MFF: variants seen among roughly 807,000 people sequenced by gnomAD.
MFF encodes the protein mitochondrial fission factor, also known as chromosome 2 open reading frame 33.
A neutral mutation model predicts 36.9 loss-of-function variants in MFF; 12 were observed. The ratio of observed to expected loss-of-function variants is 0.33; its 90% CI spans 0.21 to 0.53. MFF has a LOEUF of 0.53. MFF is among the 20% of genes least tolerant of loss of function. MFF has a pLI of 0.95. For synonymous variants in MFF, 99 were observed against 126.2 expected (o/e 0.78, Z 1.44); for missense variants, 348 against 366.6 (o/e 0.95, Z 0.42).
At chr2:227,337,537 A>C (rs973268592) in intron 4 of MFF, among the ~76,000 whole-genome samples, 5 of 152,214 alleles carry the variant, frequency 3.3e-5, no homozygotes, top group Non-Finnish European at 5.9e-5. Context: ...GGAATTTATG[A>C]ACAATCAAAT....
chr2:227,355,690 A>G lies in MFF; in HGVS notation c.673A>G (p.Asn225Asp). The G allele has an allele frequency of 6.2e-7, 1 of 1,607,272 alleles. No individual in the cohort carries two copies. The highest frequency in any genetic ancestry group is 8.5e-7 in the Non-Finnish European group (1 of 1,174,048). ...TCTTATCTGCAGGTATGGCATTTCA[A>G]ATATAGATACAACCATTGAAGGAAC... ...HHDNVRYGIS[N>D]IDTTIEGTSD... Residue 225 changes from asparagine (N) to aspartate (D), a missense_variant, in exon 8 of 9, where the codon AAT becomes GAT. By Grantham distance (23) the Asn-to-Asp change is conservative (BLOSUM62 1). Transcript: ENST00000304593.
chr2:227,329,913 T>C (rs1163966881), intron 2 of MFF: 9 of 481,058 alleles, frequency 1.9e-5, no homozygotes, highest in Non-Finnish European at 3.2e-5. Flanking sequence ...CAACATTCTT[T>C]CTACTGCATT....
At chr2:227,352,866 C>G (rs1166724933) in intron 7 of MFF, among the ~76,000 whole-genome samples, 1 of 152,092 alleles carries the variant, frequency 6.6e-6, no homozygotes, top group Non-Finnish European at 1.5e-5. Flanking sequence ...CATGCTAAAA[C>G]AGAAAAAAGT....
intron 7 of MFF, among the ~76,000 whole-genome samples, 159 bp downstream of exon 7, chr2:227,352,732 ATAATCAG>A (rs2076064416): frequency 6.6e-6 from 1 of 152,218 alleles, no homozygotes; most frequent in East Asian, 1.9e-4. Context: ...AGAACAGTGA[ATAATCAG>A]TCATGACATT....
chr2:227,356,220 T>G (rs2076249921), intron 8 of MFF, among the ~76,000 whole-genome samples: 1 of 152,156 alleles, frequency 6.6e-6, no homozygotes, highest in African/African-American at 2.4e-5. Flanking sequence ...CAGCCTCGAG[T>G]ATCACACAGA....
At chr2:227,350,248 GA>G (rs1200055477) in intron 6 of MFF, among the ~76,000 whole-genome samples, 1 of 152,066 alleles carries the variant, frequency 6.6e-6, no homozygotes, top group Non-Finnish European at 1.5e-5. Context: ...AGGTGCAGCA[GA>G]AATTAAAATA....
chr2:227,334,796 A>C (rs1451917081), intron 4 of MFF, among the ~76,000 whole-genome samples: 1 of 152,214 alleles, frequency 6.6e-6, no homozygotes, highest in Non-Finnish European at 1.5e-5. Flanking sequence ...AGGTGGAAGC[A>C]AGTAAAATAT....
At chr2:227,342,946 G>T (rs918987869) in intron 5 of MFF, 8 of 669,430 alleles carry the variant, frequency 1.2e-5, no homozygotes, top group Non-Finnish European at 2.0e-5. Flanking sequence ...TGGCTTTTTA[G>T]TACCTCTGTT....
chr2:227,344,964 A>G (rs1404412136), intron 5 of MFF, among the ~76,000 whole-genome samples: 4 of 152,190 alleles, frequency 2.6e-5, no homozygotes, highest in Non-Finnish European at 1.5e-5. Flanking sequence ...TTAAATTATA[A>G]CTGAGGATCA....
chr2:227,356,891 G>C, intron 8 of MFF, 95 bp from the exon 9 acceptor site: 1 of 970,732 alleles, frequency 1.0e-6, no homozygotes, highest in Non-Finnish European at 1.5e-6. Flanking sequence ...TACTTTTGTT[G>C]ACAAATTATT....
chr2:227,329,567 A>G (rs1195237621), intron 2 of MFF: 1 of 562,280 alleles, frequency 1.8e-6, no homozygotes, highest in East Asian at 3.6e-5. Context: ...TATGAAATGA[A>G]TTGTTGAAAT....
At chr2:227,334,089 A>G (rs959299504) in intron 4 of MFF, among the ~76,000 whole-genome samples, 1 of 152,242 alleles carries the variant, frequency 6.6e-6, no homozygotes, top group Non-Finnish European at 1.5e-5. Context: ...CTACTTTGCC[A>G]TTTACTAACC....
At chr2:227,333,828 A>G (rs2074783214) in intron 4 of MFF, among the ~76,000 whole-genome samples, 1 of 152,178 alleles carries the variant, frequency 6.6e-6, no homozygotes, top group African/African-American at 2.4e-5. Context: ...TCCTTATTGT[A>G]TTCTTCGGGT....
chr2:227,337,625 T>C (rs1449270023), intron 4 of MFF, among the ~76,000 whole-genome samples: 1 of 149,950 alleles, frequency 6.7e-6, no homozygotes, highest in East Asian at 1.9e-4. Flanking sequence ...GTTATATAAC[T>C]ATGTAGCACT....
Position 227,355,556 on chromosome 2 carries a change from A to C in MFF, c.660-121A>C, listed in dbSNP as rs573767352. ...AGGTAGTAAAATATTTTAGTAATTC[A>C]TATTATTAAGTACCAATTTTCTGAA... On this transcript the variant is annotated intron_variant, in intron 7 of 8. Coordinates refer to ENST00000304593, the MANE Select transcript of MFF (RefSeq NM_001277062.2). 19 of 517,240 alleles carry C rather than the reference A, an allele frequency of 3.7e-5. No homozygotes were observed. The African/African-American group carries it at 3.7e-4, about 10-fold the overall frequency. The allele number at this position is 517,240 out of a possible 1,614,324, so 32.0% of individuals were successfully genotyped here.
intron 6 of MFF, among the ~76,000 whole-genome samples, chr2:227,347,859 G>T (rs916300764): frequency 6.6e-4 from 100 of 152,286 alleles, no homozygotes; most frequent in Middle Eastern, 6.8e-3. Context: ...GGATTTCTAG[G>T]CTTGTTTTGA....
intron 5 of MFF, among the ~76,000 whole-genome samples, chr2:227,345,390 G>A (rs2075653637): frequency 6.6e-6 from 1 of 152,102 alleles, no homozygotes; most frequent in Non-Finnish European, 1.5e-5. Flanking sequence ...GTATATAGCT[G>A]GTTTATTTAT....
rs73993959 is a variant in MFF at position 227,332,874 on chromosome 2, G to T, written c.351+286G>T. On this transcript the variant is annotated intron_variant, in intron 4 of 8. Transcript: ENST00000304593. The stretch of plus-strand genomic sequence containing the variant: ...GTAGGTGTTACTTGTTAAATAATAA[G>T]AAAATGTTGGGAAGTTTAGCAATAA... 0.017 allele frequency among the ~76,000 whole-genome samples: 2,552 copies of T among 152,304 alleles called. 72 individuals carry two copies. Among genetic ancestry groups the T allele is most frequent in the African/African-American group, 0.059 (2,445 of 41,556 alleles).
chr2:227,345,631 C>A (rs2075666969), intron 5 of MFF, among the ~76,000 whole-genome samples: 1 of 152,166 alleles, frequency 6.6e-6, no homozygotes, highest in African/African-American at 2.4e-5. Flanking sequence ...AAAGAGAATT[C>A]TGAGTGTAAG....
Sources: allele counts gnomAD v4.1 joint callset (sites outside exome capture counted in the v4.1 genomes callset), GRCh38; gene constraint gnomAD v4.1.1; transcripts MANE v1.5; gene names NCBI Gene and HGNC (gene_info 2026-07-23, HGNC 2026-07-21).